WNK2: variants seen among roughly 807,000 people sequenced by gnomAD.
WNK2 encodes the protein WNK lysine deficient protein kinase 2, also known as serine/threonine-protein kinase WNK2.
A neutral mutation model predicts 192.1 loss-of-function variants in WNK2; 67 were observed. The ratio of observed to expected loss-of-function variants is 0.35; its 90% confidence interval spans 0.29 to 0.43. The LOEUF is 0.43. Among genes scored for constraint, WNK2 ranks in the 20% least tolerant of loss-of-function variants. The pLI, the probability that WNK2 is intolerant of heterozygous loss-of-function variation, is 1.00. For missense variants in WNK2, 2,698 were observed against 3,089.7 expected (o/e 0.87, Z 3.01); for synonymous variants, 1,439 against 1,393.9 (o/e 1.03, Z -0.72).
chr9:93,229,583 C>T lies in WNK2; in HGVS notation c.682-113C>T, dbSNP rs776852048. On this transcript the variant is annotated intron_variant, in intron 2 of 29. Coordinates refer to ENST00000427277, the MANE Select transcript of WNK2 (RefSeq NM_006648.4). The surrounding 1 kb of genome is among the most constrained non-coding windows in gnomAD (Gnocchi z 4.9). Reference sequence around the variant, plus strand: ...CCTTCTATCATAGCCGCTTAGCTGCCTGTGGGTATGGGAAGGGCTGGTCCT... The same window carrying T: ...CCTTCTATCATAGCCGCTTAGCTGCTTGTGGGTATGGGAAGGGCTGGTCCT... The T allele has an allele frequency of 3.4e-5, 42 of 1,227,450 alleles. 1 individual carries two copies. The highest frequency in any genetic ancestry group is 4.5e-5 in the Non-Finnish European group (40 of 890,710). The allele number at this position is 1,227,450 out of a possible 1,614,324, so 76.0% of individuals were successfully genotyped here.
rs59582411 is a variant in WNK2, at chr9:93,199,899, C to CAAAAAAAAAAAAAAAAAAAAAAA, written c.681+14301_681+14302insAAAAAAAAAAAAAAAAAAAAAAA. Among the ~76,000 whole-genome samples the CAAAAAAAAAAAAAAAAAAAAAAA allele has an allele frequency of 1.6e-4, 17 of 107,754 alleles. 1 individual carries two copies. Among genetic ancestry groups the CAAAAAAAAAAAAAAAAAAAAAAA allele is most frequent in the African/African-American group, 4.5e-4 (14 of 30,936 alleles). 70.7% of individuals were successfully genotyped at this position (107,754 alleles called of 152,430 possible). The stretch of plus-strand genomic sequence containing the variant: ...GGCGACAGAGCAAGACTCTTTGTCT[C>CAAAAAAAAAAAAAAAAAAAAAAA]AAAAAAAAAAAAGAAAACACAAAGC... On this transcript the variant is annotated intron_variant, in intron 2 of 29. Transcript: ENST00000427277.
chr9:93,318,732 C>T (rs1011549272), intron 29 of WNK2: 8 of 1,437,234 alleles, frequency 5.6e-6, no homozygotes, highest in Middle Eastern at 2.6e-4. Flanking sequence ...GACCGCTCTC[C>T]CGTCCAGCCC....
intron 19 of WNK2, chr9:93,269,001 T>G: frequency 2.7e-6 from 4 of 1,482,130 alleles, no homozygotes; most frequent in Non-Finnish European, 3.7e-6. Flanking sequence ...CATGGCCATA[T>G]AGGTGTGTGT....
intron 19 of WNK2, among the ~76,000 whole-genome samples, chr9:93,273,842 C>A (rs959071343): frequency 1.3e-5 from 2 of 152,078 alleles, no homozygotes; most frequent in African/African-American, 4.8e-5. Context: ...AATAACACTT[C>A]TAAATAATTT....
Position 93,306,768 on chromosome 9 carries a change from C to T in WNK2, c.6215-9C>T, listed in dbSNP as rs1852634162. The T allele has an allele frequency of 2.5e-6, 4 of 1,607,080 alleles. No homozygotes were observed. In the African/African-American group the frequency reaches 4.0e-5, roughly 16 times the overall value. On this transcript the variant is annotated splice_polypyrimidine_tract_variant and intron_variant, in intron 26 of 29. Coordinates refer to ENST00000427277, the MANE Select transcript of WNK2 (RefSeq NM_006648.4). Reference sequence around the variant, plus strand: ...CTGTGGTCTTGTGTCGTTTCTTTTTCCCTTGCAGGGTCTGCCCTGAAGCGT... The same window carrying T: ...CTGTGGTCTTGTGTCGTTTCTTTTTTCCTTGCAGGGTCTGCCCTGAAGCGT...
At chr9:93,225,678 G>A (rs147976299) in intron 2 of WNK2, among the ~76,000 whole-genome samples, 322 of 152,276 alleles carry the variant, frequency 2.1e-3, no homozygotes, top group Non-Finnish European at 3.5e-3. Flanking sequence ...TCTTTTACAC[G>A]TTACTGTTGG....
intron 9 of WNK2, among the ~76,000 whole-genome samples, chr9:93,254,902 C>T (rs1564095387): frequency 6.6e-6 from 1 of 152,176 alleles, no homozygotes; most frequent in East Asian, 1.9e-4. Context: ...CTGGAATGTT[C>T]TGCCTGGCTC....
intron 8 of WNK2, among the ~76,000 whole-genome samples, chr9:93,250,607 G>GT (rs1480783841): frequency 1.3e-5 from 2 of 152,192 alleles, no homozygotes; most frequent in Non-Finnish European, 2.9e-5. Flanking sequence ...CAGTATGTCA[G>GT]TTTTTATGGT....
intron 9 of WNK2, among the ~76,000 whole-genome samples, chr9:93,253,712 G>A (rs1163734547): frequency 2.0e-5 from 3 of 152,130 alleles, no homozygotes. Flanking sequence ...ATGGAACCTC[G>A]GGCTGTGACG....
In WNK2 at chr9:93,253,250, C is replaced by A. The variant is rs960113308; in HGVS notation, c.2034+168C>A. The stretch of plus-strand genomic sequence containing the variant: ...GCCACACTTCCCCTGGGGAGACATT[C>A]AAAAGCCAGGCCCAGAGGAAAGCCC... On this transcript the variant is annotated intron_variant, in intron 9 of 29. Transcript: ENST00000427277. Among the ~76,000 whole-genome samples the A allele has an allele frequency of 2.6e-5, 4 of 152,090 alleles. No homozygotes were observed. In the South Asian group the frequency reaches 8.3e-4, roughly 32 times the overall value.
At chr9:93,189,486 C>T (rs1400264042) in intron 2 of WNK2, among the ~76,000 whole-genome samples, 2 of 152,170 alleles carry the variant, frequency 1.3e-5, no homozygotes, top group African/African-American at 2.4e-5. Context: ...TGCTTGGTGC[C>T]ACCCAGAGGG....
At chr9:93,262,572 G>T in intron 13 of WNK2, 98 bp from the exon 14 acceptor site, 2 of 1,338,050 alleles carry the variant, frequency 1.5e-6, no homozygotes, top group Non-Finnish European at 2.1e-6. Context: ...AGGCTGGGCT[G>T]AGGAAGTGGG....
At chr9:93,187,886 C>G (rs1829627557) in intron 2 of WNK2, among the ~76,000 whole-genome samples, 1 of 152,004 alleles carries the variant, frequency 6.6e-6, no homozygotes, top group Non-Finnish European at 1.5e-5. Flanking sequence ...GCGTTGGACT[C>G]TGCGAGGGGA....
In WNK2 at chr9:93,247,442, C is replaced by A; in HGVS notation, c.1543-101C>A. On this transcript the variant is annotated intron_variant, in intron 7 of 29. Coordinates refer to ENST00000427277, the MANE Select transcript of WNK2 (RefSeq NM_006648.4). The surrounding 1 kb of genome is among the most constrained non-coding windows in gnomAD (Gnocchi z 5.2). ...AGTGGCAGTGGGATGGCGAGCGTGT[C>A]CTGCGTGGATGAGCCAGTGATGGGA... 1 of 1,346,146 alleles carries A rather than the reference C, an allele frequency of 7.4e-7. No individual in the cohort carries two copies. Among genetic ancestry groups the A allele is most frequent in the Non-Finnish European group, 1.0e-6 (1 of 971,712 alleles). 83.4% of individuals were successfully genotyped at this position (1,346,146 alleles called of 1,614,324 possible).
chr9:93,262,787 T>G, intron 14 of WNK2, 68 bp downstream of exon 14: 1 of 1,546,624 alleles, frequency 6.5e-7, no homozygotes, highest in Non-Finnish European at 8.9e-7. Flanking sequence ...CCACTCAGCC[T>G]GGCTCCTGCT....
intron 4 of WNK2, 48 bp from the exon 5 acceptor site, chr9:93,234,760 C>T (rs749674174): frequency 2.5e-6 from 4 of 1,585,864 alleles, no homozygotes; most frequent in Admixed American, 1.7e-5. Context: ...CCAGCTCTTC[C>T]TGGGCCCGTG....
At chr9:93,318,790 A>T in intron 29 of WNK2, 3 of 1,411,946 alleles carry the variant, frequency 2.1e-6, no homozygotes, top group Non-Finnish European at 2.8e-6. Flanking sequence ...TGGAGATTTC[A>T]GTGGGACTCG....
At chr9:93,275,095 G>A (rs1846622591) in intron 19 of WNK2, among the ~76,000 whole-genome samples, 1 of 151,734 alleles carries the variant, frequency 6.6e-6, no homozygotes, top group Non-Finnish European at 1.5e-5. Context: ...GTGGGTATAT[G>A]CTGGGAGAGC....
At chr9:93,212,797 G>A (rs1835036497) in intron 2 of WNK2, among the ~76,000 whole-genome samples, 1 of 152,224 alleles carries the variant, frequency 6.6e-6, no homozygotes, top group Non-Finnish European at 1.5e-5. Flanking sequence ...TTAAAAGAGA[G>A]AGGAAGGTGT....
Sources: gnomAD v4.1 joint callset for allele counts (sites outside exome capture counted in the v4.1 genomes callset) on GRCh38, gnomAD v4.1.1 for gene constraint, Gnocchi (gnomAD v3.1) non-coding constraint, MANE v1.5 for transcripts, NCBI Gene and HGNC (gene_info 2026-07-23, HGNC 2026-07-21) for gene names.